The following CD2AP variants were observed in gnomAD, a reference collection of about 807,000 sequenced individuals.
The protein encoded by CD2AP is CD2-associated protein.
Under a neutral mutation model 85.1 loss-of-function variants are expected in CD2AP, and 46 were observed. That is an observed-to-expected ratio of 0.54 (90% CI 0.43 to 0.69). The LOEUF is 0.69. CD2AP is among the 30% of genes least tolerant of loss of function. The probability of loss-of-function intolerance (pLI) is 0.00; values close to 1 mark genes in which losing one functional copy is unlikely to be tolerated. For synonymous variants in CD2AP, 255 were observed against 252.9 expected (o/e 1.01, Z -0.08); for missense variants, 769 against 729.5 (o/e 1.05, Z -0.62).
intron 5 of CD2AP, chr6:47,562,646 G>A (rs1767892307): frequency 7.9e-6 from 4 of 503,770 alleles, no homozygotes; most frequent in African/African-American, 7.5e-5. Context: ...TGCTGGAGAT[G>A]TAATGGATGT....
chr6:47,520,824 T>G (rs182467929), intron 2 of CD2AP, among the ~76,000 whole-genome samples: 303 of 151,252 alleles, frequency 2.0e-3, no homozygotes, highest in Non-Finnish European at 3.7e-3. Context: ...TCTGCCTGTT[T>G]CCTGGTCATT....
intron 3 of CD2AP, among the ~76,000 whole-genome samples, chr6:47,538,194 C>T (rs1192638013): frequency 6.6e-6 from 1 of 152,020 alleles, no homozygotes; most frequent in Non-Finnish European, 1.5e-5. Context: ...TTTCTCATAA[C>T]ATTTGATTAT....
intron 16 of CD2AP, among the ~76,000 whole-genome samples, chr6:47,610,968 TGTA>T (rs201663973): frequency 4.1e-4 from 31 of 76,398 alleles, no homozygotes; most frequent in Middle Eastern, 5.7e-3. Context: ...TATATATATA[TGTA>T]TTTTTTTTTT....
intron 1 of CD2AP, among the ~76,000 whole-genome samples, chr6:47,483,923 G>A (rs1433198900): frequency 6.6e-6 from 1 of 151,962 alleles, no homozygotes; most frequent in Non-Finnish European, 1.5e-5. Flanking sequence ...ATCCTTCAGG[G>A]TGTTAAGCAG....
intron 1 of CD2AP, 99 bp downstream of exon 1, chr6:47,478,347 C>T: frequency 1.4e-6 from 2 of 1,388,340 alleles, no homozygotes; most frequent in Non-Finnish European, 1.0e-6. Context: ...TGCGGTCAGC[C>T]CCTGAGCGGC....
chr6:47,615,052 A>G (rs773086195), intron 17 of CD2AP, among the ~76,000 whole-genome samples: 8 of 151,908 alleles, frequency 5.3e-5, no homozygotes, highest in Non-Finnish European at 1.2e-4. Context: ...GACTCTTCCC[A>G]TTGTTTAAGT....
At chr6:47,505,628 C>T (rs1766128704) in intron 2 of CD2AP, among the ~76,000 whole-genome samples, 1 of 111,046 alleles carries the variant, frequency 9.0e-6, no homozygotes, top group Non-Finnish European at 2.0e-5. Flanking sequence ...GGGGGCTGAC[C>T]CCCCCCACCT....
At chr6:47,513,104 A>C (rs1359543931) in intron 2 of CD2AP, among the ~76,000 whole-genome samples, 1 of 152,066 alleles carries the variant, frequency 6.6e-6, no homozygotes, top group Non-Finnish European at 1.5e-5. Context: ...CTTCAGCAAG[A>C]AAATGGAAGC....
chr6:47,551,185 TAAAAAA>T (rs56246987), intron 4 of CD2AP, among the ~76,000 whole-genome samples: 39,226 of 151,308 alleles, frequency 0.26, 5,647 homozygotes, highest in East Asian at 0.6. Context: ...CCTATGGAAA[TAAAAAA>T]AAGAAAAAAA....
intron 2 of CD2AP, among the ~76,000 whole-genome samples, chr6:47,518,381 T>A (rs1021669635): frequency 6.6e-6 from 1 of 152,238 alleles, no homozygotes; most frequent in African/African-American, 2.4e-5. Flanking sequence ...CATTTGTGCC[T>A]TGCAGGCTAG....
intron 17 of CD2AP, among the ~76,000 whole-genome samples, chr6:47,613,630 TAG>T (rs1293385629): frequency 2.0e-5 from 3 of 152,010 alleles, no homozygotes; most frequent in Non-Finnish European, 4.4e-5. Flanking sequence ...ATAGGCAGAG[TAG>T]ATTTATCATA....
At chr6:47,482,860 C>T (rs928398983) in intron 1 of CD2AP, among the ~76,000 whole-genome samples, 2 of 151,986 alleles carry the variant, frequency 1.3e-5, no homozygotes, top group African/African-American at 2.4e-5. Context: ...ATATTTTGAA[C>T]GATAAAAATG....
At chr6:47,531,449 T>C (rs1315479897) in intron 2 of CD2AP, among the ~76,000 whole-genome samples, 1 of 151,726 alleles carries the variant, frequency 6.6e-6, no homozygotes, top group Non-Finnish European at 1.5e-5. Flanking sequence ...AACCGAGGAC[T>C]GGAGAGACGA....
At chr6:47,521,613 A>T (rs1766598059) in intron 2 of CD2AP, among the ~76,000 whole-genome samples, 1 of 152,234 alleles carries the variant, frequency 6.6e-6, no homozygotes, top group Non-Finnish European at 1.5e-5. Context: ...AGTGTTTGGA[A>T]AAGTTTAAAT....
chr6:47,620,466 G>A (rs926265878), intron 17 of CD2AP, among the ~76,000 whole-genome samples: 26 of 152,286 alleles, frequency 1.7e-4, no homozygotes, highest in African/African-American at 6.3e-4. Context: ...AGTATAGTTT[G>A]AAATCAGGTA....
At chr6:47,599,826 T>C (rs920354826) in intron 13 of CD2AP, among the ~76,000 whole-genome samples, 2 of 152,148 alleles carry the variant, frequency 1.3e-5, no homozygotes, top group South Asian at 4.1e-4. Flanking sequence ...TTATATTTCA[T>C]AGGACTTTAA....
intron 4 of CD2AP, among the ~76,000 whole-genome samples, chr6:47,552,867 C>A (rs894551280): frequency 6.6e-6 from 1 of 152,180 alleles, no homozygotes. Context: ...TGTATTCTAG[C>A]ACCCATTTTT....
intron 11 of CD2AP, among the ~76,000 whole-genome samples, chr6:47,588,785 A>G (rs948827380): frequency 2.0e-5 from 3 of 152,128 alleles, no homozygotes; most frequent in African/African-American, 7.2e-5. Flanking sequence ...GAGAGTGGCA[A>G]TCAGGGCGAC....
At chr6:47,503,519 A>G (rs1695170394) in intron 2 of CD2AP, 79 bp downstream of exon 2, 2 of 1,246,572 alleles carry the variant, frequency 1.6e-6, no homozygotes, top group South Asian at 1.3e-5. Context: ...ATATACTTTT[A>G]AAATTAAAAT....
Sources: allele counts gnomAD v4.1 joint callset (sites outside exome capture counted in the v4.1 genomes callset), GRCh38; gene constraint gnomAD v4.1.1; transcripts MANE v1.5; gene names NCBI Gene and HGNC (gene_info 2026-07-23, HGNC 2026-07-21).